SLC39A11: variants seen among roughly 807,000 people sequenced by gnomAD.
The protein encoded by SLC39A11 is solute carrier family 39 member 11.
Under a neutral mutation model 36.1 loss-of-function variants are expected in SLC39A11, and 33 were observed. That is an observed-to-expected ratio of 0.91 (90% CI 0.69 to 1.22). The LOEUF is 1.22. Ranked by LOEUF, SLC39A11 falls within the 50% of genes most tolerant of loss-of-function variation. SLC39A11 has a pLI of 0.00. For missense variants in SLC39A11, 432 were observed against 430.3 expected (o/e 1.00, Z -0.03); for synonymous variants, 166 against 170.3 (o/e 0.97, Z 0.20).
At chr17:72,780,856 A>G (rs573471418) in intron 6 of SLC39A11, among the ~76,000 whole-genome samples, 5,615 of 152,128 alleles carry the variant, frequency 0.037, 327 homozygotes, top group African/African-American at 0.13. Context: ...GCGTGGTGGC[A>G]AACGTCTGTA....
chr17:73,043,540 G>T (rs1309841855), intron 3 of SLC39A11, among the ~76,000 whole-genome samples: 1 of 152,172 alleles, frequency 6.6e-6, no homozygotes, highest in Non-Finnish European at 1.5e-5. Context: ...CATGGAGCAG[G>T]TCAGCATTAA....
At chr17:72,670,160 TACACACACACAC>T (rs202032502) in intron 7 of SLC39A11, among the ~76,000 whole-genome samples, 2,282 of 104,652 alleles carry the variant, frequency 0.022, 70 homozygotes, top group African/African-American at 0.061. Context: ...ACATTTTATA[TACACACACACAC>T]ACACACACAC....
chr17:72,745,393 T>C (rs1330924876), intron 6 of SLC39A11, among the ~76,000 whole-genome samples: 1 of 152,198 alleles, frequency 6.6e-6, no homozygotes, highest in Non-Finnish European at 1.5e-5. Flanking sequence ...TGAGAGGGGC[T>C]TCTAAATAGG....
At chr17:72,691,742 C>T (rs1079464) in intron 7 of SLC39A11, among the ~76,000 whole-genome samples, 38,565 of 152,048 alleles carry the variant, frequency 0.25, 5,247 homozygotes, top group Non-Finnish European at 0.32. Flanking sequence ...CATTCCCATG[C>T]GTAGATGACT....
rs1306395500 is a variant in SLC39A11 at position 73,063,871 on chromosome 17, A to G, written c.147+20937T>C. 2.6e-5 allele frequency among the ~76,000 whole-genome samples: 4 copies of G among 152,204 alleles called. No individual in the cohort carries two copies. In the East Asian group the frequency reaches 7.7e-4, roughly 29 times the overall value. On this transcript the variant is annotated intron_variant, in intron 3 of 9. Transcript: ENST00000255559. Reference sequence around the variant, plus strand: ...GCAAATTCACGTCTGTAATCTGTTTAAAGTTTATGCACAGGCAATGACCGT... The same window carrying G: ...GCAAATTCACGTCTGTAATCTGTTTGAAGTTTATGCACAGGCAATGACCGT...
intron 4 of SLC39A11, among the ~76,000 whole-genome samples, chr17:72,957,951 C>T (rs1418075609): frequency 6.6e-6 from 1 of 152,184 alleles, no homozygotes; most frequent in Non-Finnish European, 1.5e-5. Flanking sequence ...TGAGATTGCA[C>T]CACTTCACTC....
At chr17:72,671,718 T>TAAA (rs35369499) in intron 7 of SLC39A11, among the ~76,000 whole-genome samples, 3 of 148,666 alleles carry the variant, frequency 2.0e-5, no homozygotes, top group Non-Finnish European at 4.5e-5. Flanking sequence ...CAAAACTGTC[T>TAAA]AAAAAAAAAA....
chr17:72,721,482 T>C (rs1263599928), intron 7 of SLC39A11, among the ~76,000 whole-genome samples: 2 of 152,070 alleles, frequency 1.3e-5, no homozygotes, highest in Admixed American at 6.6e-5. Flanking sequence ...ACAGGGCTCA[T>C]CTTGGGTCCA....
chr17:72,825,883 G>T (rs1010068878), intron 6 of SLC39A11, among the ~76,000 whole-genome samples: 10 of 152,216 alleles, frequency 6.6e-5, no homozygotes, highest in African/African-American at 2.2e-4. Flanking sequence ...AACTGACTGG[G>T]TTTGATTTTA....
intron 5 of SLC39A11, among the ~76,000 whole-genome samples, chr17:72,864,231 T>C (rs946738281): frequency 1.3e-5 from 2 of 152,150 alleles, no homozygotes; most frequent in Non-Finnish European, 2.9e-5. Flanking sequence ...ATGGACAAAA[T>C]GCATAAAATG....
chr17:72,734,758 G>C lies in SLC39A11; in HGVS notation c.671+1892C>G, dbSNP rs117634179. 1.7e-4 allele frequency among the ~76,000 whole-genome samples: 26 copies of C among 152,332 alleles called. No homozygotes were observed. In the East Asian group the frequency reaches 5.0e-3, roughly 29 times the overall value. On this transcript the variant is annotated intron_variant, in intron 7 of 9. Coordinates refer to ENST00000255559, the MANE Select transcript of SLC39A11 (RefSeq NM_139177.4). ...AGAGAGCCTGGCCTGTGAGTTCCAT[G>C]CCTGGGGCACAGCTGTCACTTGCTG...
chr17:72,917,223 T>C (rs1301684612), intron 5 of SLC39A11, among the ~76,000 whole-genome samples: 1 of 152,218 alleles, frequency 6.6e-6, no homozygotes, highest in African/African-American at 2.4e-5. Flanking sequence ...TCTTCTCCAC[T>C]TCTCTCTTCT....
intron 7 of SLC39A11, among the ~76,000 whole-genome samples, chr17:72,729,457 ATT>A (rs55729197): frequency 1.1e-3 from 8 of 7,238 alleles, no homozygotes; most frequent in Non-Finnish European, 1.6e-3. Context: ...ATATATATAT[ATT>A]TTTTTTTTTT....
At chr17:73,079,762 A>G (rs181271236) in intron 3 of SLC39A11, among the ~76,000 whole-genome samples, 35 of 152,310 alleles carry the variant, frequency 2.3e-4, no homozygotes, top group African/African-American at 1.4e-4. Context: ...ACTCATCCAA[A>G]AACCTCCTAG....
chr17:72,683,235 C>T (rs977608708), intron 7 of SLC39A11, among the ~76,000 whole-genome samples: 4 of 151,494 alleles, frequency 2.6e-5, no homozygotes, highest in African/African-American at 9.7e-5. Flanking sequence ...AAGGATGAAC[C>T]GAAAAATGGA....
chr17:72,776,685 G>A (rs1010339851), intron 6 of SLC39A11, among the ~76,000 whole-genome samples: 1 of 148,016 alleles, frequency 6.8e-6, no homozygotes, highest in Non-Finnish European at 1.5e-5. Context: ...AGAGACTAGC[G>A]CTTACTGGGA....
intron 4 of SLC39A11, among the ~76,000 whole-genome samples, chr17:73,015,574 C>A (rs6501591): frequency 0.92 from 139,299 of 152,106 alleles, 64,507 homozygotes; most frequent in Non-Finnish European, 0.99. Context: ...AACAGGGAGG[C>A]GATTATTTTT....
chr17:73,075,253 G>A (rs1374180704), intron 3 of SLC39A11, among the ~76,000 whole-genome samples: 1 of 152,164 alleles, frequency 6.6e-6, no homozygotes, highest in Non-Finnish European at 1.5e-5. Context: ...CTTTAAACAT[G>A]CAGAAACAAG....
intron 5 of SLC39A11, among the ~76,000 whole-genome samples, chr17:72,859,538 C>T (rs1275247330): frequency 6.6e-6 from 1 of 151,952 alleles, no homozygotes; most frequent in Non-Finnish European, 1.5e-5. Flanking sequence ...CAAGGGAGAC[C>T]AGGACTTCCT....
Sources: gnomAD v4.1 joint callset for allele counts (sites outside exome capture counted in the v4.1 genomes callset) on GRCh38, gnomAD v4.1.1 for gene constraint, MANE v1.5 for transcripts, NCBI Gene and HGNC (gene_info 2026-07-23, HGNC 2026-07-21) for gene names.